LRP6: variants seen among roughly 807,000 people sequenced by gnomAD.
LRP6 encodes LDL receptor related protein 6, also known as low-density lipoprotein receptor-related protein 6.
LRP6 carries 43 observed loss-of-function variants against 184.1 expected under a neutral mutation model. The ratio of observed to expected loss-of-function variants is 0.23; its 90% confidence interval spans 0.18 to 0.30. The LOEUF (loss-of-function observed/expected upper bound fraction) is 0.30, where lower values mean the gene tolerates loss of function less well. Ranked by LOEUF, LRP6 falls within the 10% of genes least tolerant of loss-of-function variation. LRP6 has a pLI of 1.00. For missense variants in LRP6, 1,571 were observed against 2,005.3 expected (o/e 0.78, Z 4.14); for synonymous variants, 719 against 684.9 (o/e 1.05, Z -0.78).
intron 12 of LRP6, chr12:12,155,807 TAA>T (rs36120700): frequency 0.078 from 47,663 of 608,502 alleles, 508 homozygotes; most frequent in Middle Eastern, 0.14. Context: ...TCTGGACTGT[TAA>T]AAAAAAAAAA....
chr12:12,196,047 A>C (rs1209676528), intron 3 of LRP6, among the ~76,000 whole-genome samples: 1 of 152,112 alleles, frequency 6.6e-6, no homozygotes, highest in African/African-American at 2.4e-5. Flanking sequence ...CCATCGGTGT[A>C]TGTTTCTGTT....
At chr12:12,240,359 G>A (rs1565699202) in intron 2 of LRP6, among the ~76,000 whole-genome samples, 1 of 152,134 alleles carries the variant, frequency 6.6e-6, no homozygotes, top group Non-Finnish European at 1.5e-5. Context: ...AGATCATGAG[G>A]TCAGGAGATC....
At chr12:12,261,917 CGAA>C (rs1387516494) in intron 1 of LRP6, among the ~76,000 whole-genome samples, 3 of 152,066 alleles carry the variant, frequency 2.0e-5, no homozygotes, top group Non-Finnish European at 4.4e-5. Context: ...AAAAAAGTAA[CGAA>C]GAATTTTTAT....
intron 1 of LRP6, among the ~76,000 whole-genome samples, chr12:12,260,346 C>G (rs1412243294): frequency 6.6e-6 from 1 of 150,652 alleles, no homozygotes; most frequent in Non-Finnish European, 1.5e-5. Flanking sequence ...CCACTGCACT[C>G]CAGCCTGGGC....
rs755696037 is a variant in LRP6 at position 12,181,144 on chromosome 12, A to T, written c.1272T>A (p.Thr424=). The T allele has an allele frequency of 6.2e-7, 1 of 1,614,040 alleles. No homozygotes were observed. Among genetic ancestry groups the T allele is most frequent in the African/African-American group, 1.3e-5 (1 of 74,932 alleles). The change falls in exon 6 of 23, where the codon ACT becomes ACA. Residue 424 remains threonine, a synonymous_variant. Coordinates refer to ENST00000261349, the MANE Select transcript of LRP6 (RefSeq NM_002336.3). ...TGAGCCTTGTCACTTCTATTCGATC[A>T]GTGCCAGTGTCTGTCCAATAAAGAT... ...ARNLYWTDTG[T]DRIEVTRLNG...
intron 2 of LRP6, among the ~76,000 whole-genome samples, chr12:12,234,275 G>C (rs924373406): frequency 1.3e-5 from 2 of 150,278 alleles, no homozygotes; most frequent in South Asian, 4.2e-4. Context: ...CAACAAGAGC[G>C]AAACTCCATC....
intron 2 of LRP6, among the ~76,000 whole-genome samples, chr12:12,205,329 CAAAAAA>C (rs56169717): frequency 6.9e-4 from 27 of 39,110 alleles, no homozygotes; most frequent in South Asian, 2.8e-3. Flanking sequence ...CTCAAACAAA[CAAAAAA>C]AAAAAAAAAA....
chr12:12,248,471 C>CTTTTT lies in LRP6; in HGVS notation c.56-3821_56-3817dup, dbSNP rs71061030. The stretch of plus-strand genomic sequence containing the variant: ...CAGTGGTCTTTTCTCAGTCTTTACT[C>CTTTTT]TTTTTTTTTTTTTTTTTTTTTTTTT... On this transcript the variant is annotated intron_variant, in intron 1 of 22. Transcript: ENST00000261349. Among the ~76,000 whole-genome samples the CTTTTT allele has an allele frequency of 3.8e-4, 24 of 62,792 alleles. 2 individuals are homozygous for CTTTTT. Among genetic ancestry groups the CTTTTT allele is most frequent in the African/African-American group, 1.3e-3 (22 of 17,154 alleles). The allele number at this position is 62,792 out of a possible 152,430, so 41.2% of individuals were successfully genotyped here.
At position 12,181,220 on chromosome 12, in the gene LRP6, G is replaced by A. The variant is rs759640546; in HGVS notation, c.1196C>T (p.Thr399Ile). ...ACCATCAGGATGGGCAATTTGAGCA[G>A]TGACCACAAACTGACTGCCAGATCC... ...IDGSGSQFVV[T>I]AQIAHPDGIA... Residue 399 changes from threonine to isoleucine, a missense_variant, in exon 6 of 23, where the codon ACT (threonine) becomes ATT (isoleucine). By Grantham distance (89) the Thr-to-Ile change is moderately conservative. Around this residue, in one of 4 missense-constraint regions of LRP6, gnomAD observed 640 missense variants for 851.9 expected, o/e 0.75. Transcript: ENST00000261349. 6.2e-7 allele frequency: 1 copy of A among 1,614,166 alleles called. No homozygotes were observed. The highest frequency in any genetic ancestry group is 2.2e-5 in the East Asian group (1 of 44,892).
At chr12:12,132,085 G>T in intron 17 of LRP6, 28 bp from the exon 18 acceptor site, 2 of 1,450,960 alleles carry the variant, frequency 1.4e-6, no homozygotes, top group South Asian at 2.3e-5. Flanking sequence ...GAAGGGGAGT[G>T]ACAAAAACAC....
At chr12:12,155,246 C>T (rs1950135196) in intron 12 of LRP6, 2 of 731,362 alleles carry the variant, frequency 2.7e-6, no homozygotes. Flanking sequence ...CTGCCATCTT[C>T]CAGTAATTTG....
At chr12:12,257,029 T>C (rs752862538) in intron 1 of LRP6, among the ~76,000 whole-genome samples, 5 of 152,152 alleles carry the variant, frequency 3.3e-5, no homozygotes, top group African/African-American at 4.8e-5. Flanking sequence ...ACATATTTTA[T>C]TCCATTTATA....
intron 2 of LRP6, 129 bp from the exon 3 acceptor site, chr12:12,203,529 G>A: frequency 1.4e-6 from 1 of 725,412 alleles, no homozygotes; most frequent in Non-Finnish European, 2.3e-6. Flanking sequence ...CACTCTGGGA[G>A]GCTGAGGCAG....
chr12:12,245,998 T>TA (rs1865174037), intron 1 of LRP6, among the ~76,000 whole-genome samples: 1 of 57,602 alleles, frequency 1.7e-5, no homozygotes, highest in African/African-American at 3.4e-5. Flanking sequence ...TATATAAACT[T>TA]TTTTTTTTTT....
intron 19 of LRP6, among the ~76,000 whole-genome samples, 168 bp from the exon 20 acceptor site, chr12:12,127,089 T>C (rs1006598744): frequency 1.3e-5 from 2 of 152,074 alleles, no homozygotes; most frequent in Admixed American, 1.3e-4. Context: ...CCTGAAGACA[T>C]ATGAAATAAA....
Position 12,117,780 on chromosome 12 carries a change from C to G in LRP6, c.*3346G>C, listed in dbSNP as rs1949537995. 6.6e-6 allele frequency: 1 copy of G among 152,186 alleles called. No homozygotes were observed. Among genetic ancestry groups the G allele is most frequent in the Non-Finnish European group, 1.5e-5 (1 of 68,026 alleles). 9.4% of individuals were successfully genotyped at this position (152,186 alleles called of 1,614,324 possible). ...AAAAGAAAAAGATGATCCTCCAAAA[C>G]TGCTACCTAATACAGATGATGGCTA... On this transcript the variant is annotated 3_prime_UTR_variant, in exon 23 of 23. Transcript: ENST00000261349.
rs1004310184 is a variant in LRP6, at chr12:12,204,304, G to T, written c.450-904C>A. ...CAAAAAAAAAAAAAAAAAAAGGAGG[G>T]GGGGGTCAGGAACCAATCTAGACTG... On this transcript the variant is annotated intron_variant, in intron 2 of 22. Transcript: ENST00000261349. Among the ~76,000 whole-genome samples the T allele has an allele frequency of 6.6e-5, 10 of 151,024 alleles. No homozygotes were observed. The South Asian group carries it at 1.9e-3, about 28-fold the overall frequency.
chr12:12,204,565 AAT>A (rs201709778), intron 2 of LRP6, among the ~76,000 whole-genome samples: 1 of 149,438 alleles, frequency 6.7e-6, no homozygotes, highest in African/African-American at 2.6e-5. Flanking sequence ...GACTTTTCAA[AAT>A]AAAAAATGAG....
intron 7 of LRP6, among the ~76,000 whole-genome samples, chr12:12,175,850 G>T (rs1863169233): frequency 6.6e-6 from 1 of 151,478 alleles, no homozygotes; most frequent in Non-Finnish European, 1.5e-5. Flanking sequence ...CAGTTAAATG[G>T]GTATATAACA....
Sources: allele counts gnomAD v4.1 joint callset (sites outside exome capture counted in the v4.1 genomes callset), GRCh38; gene constraint gnomAD v4.1.1; regional missense constraint gnomAD v4.1.1; transcripts MANE v1.5; gene names NCBI Gene and HGNC (gene_info 2026-07-23, HGNC 2026-07-21).